The following CRELD2 variants were observed in gnomAD, a reference collection of about 807,000 sequenced individuals.
The protein encoded by CRELD2 is protein disulfide isomerase CRELD2.
Under a neutral mutation model 48.1 loss-of-function variants are expected in CRELD2, and 33 were observed. The ratio of observed to expected loss-of-function variants is 0.69; its 90% CI spans 0.52 to 0.92. The LOEUF (loss-of-function observed/expected upper bound fraction) is 0.92. Among genes scored for constraint, CRELD2 ranks in the 40% least tolerant of loss-of-function variants. The pLI is 0.00. For synonymous variants in CRELD2, 220 were observed against 203.9 expected, an observed-to-expected ratio of 1.08 and a Z score of -0.67; for missense variants, 477 against 482.4, an observed-to-expected ratio of 0.99 and a Z score of 0.10.
intron 7 of CRELD2, 173 bp from the exon 8 acceptor site, chr22:49,924,187 G>A (rs1234191000): frequency 3.7e-6 from 2 of 545,788 alleles, no homozygotes; most frequent in South Asian, 4.4e-5. Context: ...TGCACAGCAG[G>A]ACGCGAGTCT....
chr22:49,921,860 T>C (rs1482589607), intron 5 of CRELD2, 99 bp downstream of exon 5: 8 of 1,218,996 alleles, frequency 6.6e-6, no homozygotes, highest in Non-Finnish European at 8.9e-6. Flanking sequence ...CCTGTTGATC[T>C]TTAACCCCAG....
Position 49,918,865 on chromosome 22 carries a change from C to G in CRELD2, c.96C>G (p.His32Gln). The G allele has an allele frequency of 7.7e-7, 1 of 1,306,478 alleles. No individual in the cohort carries two copies. Among genetic ancestry groups the G allele is most frequent in the Non-Finnish European group, 9.7e-7 (1 of 1,029,720 alleles). The allele number at this position is 1,306,478 out of a possible 1,614,324, so 80.9% of individuals were successfully genotyped here. A position where few individuals can be genotyped will look rare whatever the true frequency, so the allele number is the denominator to read the frequency against. ...CCGCCAAGAAGCCGACGCCCTGCCA[C>G]CGGTGCCGGGGGCTGGTGGACAAGT... is the stretch of plus-strand genomic sequence containing the variant. ...PEAAKKPTPC[H>Q]RCRGLVDKFN... The change falls in exon 1 of 10, where the codon CAC (histidine) becomes CAG (glutamine). Residue 32 changes from histidine to glutamine, a missense_variant. His to Gln is a conservative substitution (Grantham distance 24). Transcript: ENST00000328268.
At chr22:49,920,367 GA>G in intron 4 of CRELD2, 120 bp downstream of exon 4, 1 of 671,014 alleles carries the variant, frequency 1.5e-6, no homozygotes, top group Middle Eastern at 4.0e-4. Context: ...TAGGGTCTGG[GA>G]CCCTGCCGGA....
chr22:49,918,911 C>T lies in CRELD2; in HGVS notation c.129+13C>T. 4 of 1,327,730 alleles carry T rather than the reference C, an allele frequency of 3.0e-6. No individual in the cohort carries two copies. Among genetic ancestry groups the T allele is most frequent in the Non-Finnish European group, 3.8e-6 (4 of 1,041,076 alleles). 82.2% of individuals were successfully genotyped at this position (1,327,730 alleles called of 1,614,324 possible). A position where few individuals can be genotyped will look rare whatever the true frequency, so the allele number is the denominator to read the frequency against. ...CAAGTTTAACCAGGTGGGAAGGGGC[C>T]GGGCGGGGTCGTCAACCTTGGGCCC... is the stretch of plus-strand genomic sequence containing the variant. On this transcript the variant is annotated intron_variant, in intron 1 of 9. Transcript: ENST00000328268.
Position 49,924,464 on chromosome 22 carries a change from C to T in CRELD2, c.868+9C>T, listed in dbSNP as rs1426333309. 3.8e-6 allele frequency: 6 copies of T among 1,590,092 alleles called. No homozygotes were observed. Among genetic ancestry groups the T allele is most frequent in the Non-Finnish European group, 5.1e-6 (6 of 1,165,300 alleles). ...GCACGGACAGTGTGCAGGTCAGTGA[C>T]GGGGTCTGTGCTGGACGCTGGTGGA... On this transcript the variant is annotated intron_variant, in intron 8 of 9. Coordinates refer to ENST00000328268, the MANE Select transcript of CRELD2 (RefSeq NM_024324.5).
intron 5 of CRELD2, chr22:49,922,142 C>A: frequency 1.2e-6 from 1 of 845,480 alleles, no homozygotes; most frequent in Non-Finnish European, 1.8e-6. Flanking sequence ...TTCCAAAGGA[C>A]GTTTTCTCCC....
At chr22:49,925,291 T>A in intron 8 of CRELD2, 126 bp from the exon 9 acceptor site, 1 of 719,408 alleles carries the variant, frequency 1.4e-6, no homozygotes, top group Non-Finnish European at 2.3e-6. Flanking sequence ...TTTGCTCCTT[T>A]CTGTAACGTG....
chr22:49,924,521 C>T, intron 8 of CRELD2, 66 bp downstream of exon 8: 1 of 1,191,196 alleles, frequency 8.4e-7, no homozygotes, highest in Non-Finnish European at 1.2e-6. Context: ...GTGAATGGCC[C>T]CAGCAGGTAC....
At chr22:49,927,110 C>G in intron 9 of CRELD2, 145 bp from the exon 10 acceptor site, 1 of 736,792 alleles carries the variant, frequency 1.4e-6, no homozygotes, top group Non-Finnish European at 2.4e-6. Flanking sequence ...CGGGGGTCTC[C>G]GAGCTGCCCT....
In CRELD2 at chr22:49,924,743, C is replaced by T. The variant is rs577663994; in HGVS notation, c.868+288C>T. On this transcript the variant is annotated intron_variant, in intron 8 of 9. Transcript: ENST00000328268. ...TCCACCGCCTCTGCTCTCCCTCCAG[C>T]TCCTGGGTGGCGATTGCCCCGAGGC... 1.9e-5 allele frequency: 5 copies of T among 265,840 alleles called. No individual in the cohort carries two copies. The East Asian group carries it at 4.5e-4, about 24-fold the overall frequency. 16.5% of individuals were successfully genotyped at this position (265,840 alleles called of 1,614,324 possible).
At position 49,927,467 on chromosome 22, in the gene CRELD2, T is replaced by A; in HGVS notation, c.*160T>A. ...TTAAACAGCTGCATTTCTTGGTTGT[T>A]CTTAAACAGACTTGTATATTTTGAT... On this transcript the variant is annotated 3_prime_UTR_variant, in exon 10 of 10. Coordinates refer to ENST00000328268, the MANE Select transcript of CRELD2 (RefSeq NM_024324.5). 1.6e-6 allele frequency: 1 copy of A among 644,324 alleles called. No homozygotes were observed. The highest frequency in any genetic ancestry group is 2.8e-6 in the Non-Finnish European group (1 of 352,722). 39.9% of individuals were successfully genotyped at this position (644,324 alleles called of 1,614,324 possible). A position where few individuals can be genotyped will look rare whatever the true frequency, so the allele number is the denominator to read the frequency against.
At position 49,927,293 on chromosome 22, in the gene CRELD2, C is replaced by G. The variant is rs755457060; in HGVS notation, c.1048C>G (p.Arg350Gly). Reference protein sequence around the residue: ...EGESPTQLPSREDL With the variant: ...EGESPTQLPSGEDL ...AGAAAGCCCGACACAGCTGCCCTCCCGCGAAGACCTGTAATGTGCCGGACT... is the reference window on the plus strand; with the variant it reads ...AGAAAGCCCGACACAGCTGCCCTCCGGCGAAGACCTGTAATGTGCCGGACT... Residue 350 changes from arginine to glycine, a missense_variant, in exon 10 of 10, where the codon CGC becomes GGC. Transcript: ENST00000328268. 6.2e-7 allele frequency: 1 copy of G among 1,612,064 alleles called. No homozygotes were observed. The highest frequency in any genetic ancestry group is 8.5e-7 in the Non-Finnish European group (1 of 1,179,578).
rs1569182694 is a variant in CRELD2, at chr22:49,919,739, C to T, written c.222C>T (p.Arg74=). ...TLSKYESSEI[R]LLEILEGLCE... ...TGGGCCTGTGTTTCAGCGAGATTCG[C>T]CTGCTGGAGATCCTGGAGGGGCTGT... The change falls in exon 3 of 10, where the codon CGC becomes CGT. Residue 74 remains arginine, a synonymous_variant. Transcript: ENST00000328268. 6.2e-7 allele frequency: 1 copy of T among 1,608,186 alleles called. No individual in the cohort carries two copies. Among genetic ancestry groups the T allele is most frequent in the Non-Finnish European group, 8.5e-7 (1 of 1,177,904 alleles).
intron 2 of CRELD2, 80 bp downstream of exon 2, chr22:49,919,392 T>A: frequency 7.5e-7 from 1 of 1,324,720 alleles, no homozygotes; most frequent in Non-Finnish European, 1.1e-6. Context: ...GTGCCTGTGT[T>A]AATGACAGGG....
chr22:49,925,960 G>A, intron 9 of CRELD2: 1 of 174,946 alleles, frequency 5.7e-6, no homozygotes, highest in Non-Finnish European at 1.2e-5. Flanking sequence ...CCCCACACCT[G>A]TTTCCTGGGG....
At chr22:49,924,271 T>C in intron 7 of CRELD2, 89 bp from the exon 8 acceptor site, 1 of 864,164 alleles carries the variant, frequency 1.2e-6, no homozygotes, top group Non-Finnish European at 1.8e-6. Flanking sequence ...ACCCAAATCC[T>C]GGCGGCACCG....
At position 49,923,293 on chromosome 22, in the gene CRELD2, G is replaced by A. The variant is rs773438530; in HGVS notation, c.748G>A (p.Ala250Thr). 1.1e-5 allele frequency: 17 copies of A among 1,611,346 alleles called. 1 individual carries two copies. The highest frequency in any genetic ancestry group is 8.0e-5 in the African/African-American group (6 of 74,858). The stretch of plus-strand genomic sequence containing the variant: ...CAGCGCTGCGCAGTTCTGTAAGAAC[G>A]CCAACGGCTCCTACACGTGCGAAGG... ...PCSAAQFCKN[A>T]NGSYTCEECD... The change falls in exon 7 of 10, where the codon GCC (alanine) becomes ACC (threonine). Residue 250 changes from alanine to threonine, a missense_variant. Transcript: ENST00000328268.
At chr22:49,922,160 C>A in intron 5 of CRELD2, 2 of 991,692 alleles carry the variant, frequency 2.0e-6, no homozygotes, top group South Asian at 1.8e-5. Flanking sequence ...CCCTGGTTGT[C>A]ACTGATATGT....
At chr22:49,925,779 G>A (rs1218836525) in intron 9 of CRELD2, 5 of 1,383,130 alleles carry the variant, frequency 3.6e-6, no homozygotes, top group Non-Finnish European at 4.7e-6. Flanking sequence ...TCAAACGGAA[G>A]TTCAGGCGAT....
Sources: allele counts gnomAD v4.1 joint callset, GRCh38; gene constraint gnomAD v4.1.1; transcripts MANE v1.5; gene names NCBI Gene and HGNC (gene_info 2026-07-23, HGNC 2026-07-21).